The following RIMS2 variants were observed in gnomAD, a reference collection of about 807,000 sequenced individuals.
The protein encoded by RIMS2 is regulating synaptic membrane exocytosis 2.
RIMS2 carries 59 observed loss-of-function variants against 174.4 expected under a neutral mutation model. That is an observed-to-expected ratio of 0.34 (90% CI 0.27 to 0.42). The LOEUF (loss-of-function observed/expected upper bound fraction) is 0.42, where lower values mean the gene tolerates loss of function less well. Among genes scored for constraint, RIMS2 ranks in the 10% least tolerant of loss-of-function variants. The pLI is 1.00. For synonymous variants in RIMS2, 606 were observed against 572.5 expected, an observed-to-expected ratio of 1.06 and a Z score of -0.84; for missense variants, 1,620 against 1,666.3, an observed-to-expected ratio of 0.97 and a Z score of 0.48.
chr8:103,838,087 T>C lies in RIMS2; in HGVS notation c.699-47211T>C, dbSNP rs374162405. On this transcript the variant is annotated intron_variant, in intron 3 of 23. Coordinates refer to ENST00000504942, the Ensembl canonical transcript of RIMS2. ...TCAGGCCCCCCAGTAGCTGGGACTA[T>C]AGGTACAAGCCATCATGCCTGGCTA... Among the ~76,000 whole-genome samples, 59 of 152,010 alleles carry C rather than the reference T, an allele frequency of 3.9e-4. No individual in the cohort carries two copies. The South Asian group carries it at 0.012, about 32-fold the overall frequency.
chr8:104,235,764 G>C (rs1446885808), intron 19 of RIMS2, among the ~76,000 whole-genome samples: 1 of 151,922 alleles, frequency 6.6e-6, no homozygotes, highest in African/African-American at 2.4e-5. Flanking sequence ...AAATCATTAA[G>C]TACTTTTAGC....
chr8:104,009,693 A>T (rs1373960590), intron 17 of RIMS2, among the ~76,000 whole-genome samples: 2 of 152,130 alleles, frequency 1.3e-5, no homozygotes, highest in Non-Finnish European at 2.9e-5. Context: ...GATATATCCA[A>T]TTTTTTTAAA....
chr8:103,558,383 C>T (rs2090921251), intron 1 of RIMS2, among the ~76,000 whole-genome samples: 1 of 152,122 alleles, frequency 6.6e-6, no homozygotes, highest in Non-Finnish European at 1.5e-5. Flanking sequence ...ACCACCACGC[C>T]TGGCTAATGT....
chr8:103,652,219 A>G (rs1431941423), intron 1 of RIMS2: 1 of 1,349,366 alleles, frequency 7.4e-7, no homozygotes. Context: ...AAAGAAGAAC[A>G]CAAACCACAA....
At chr8:103,538,451 C>A (rs1207311678) in intron 1 of RIMS2, among the ~76,000 whole-genome samples, 1 of 152,102 alleles carries the variant, frequency 6.6e-6, no homozygotes, top group Admixed American at 6.6e-5. Flanking sequence ...ATACACTGCA[C>A]CATACTTGTT....
chr8:104,010,168 A>G (rs55835805), intron 17 of RIMS2, among the ~76,000 whole-genome samples: 19,485 of 152,144 alleles, frequency 0.13, 1,708 homozygotes, highest in Non-Finnish European at 0.19. Context: ...TAAGAAACCT[A>G]AAGTACATCG....
chr8:103,656,715 C>G (rs1244261236), intron 1 of RIMS2, among the ~76,000 whole-genome samples: 3 of 152,198 alleles, frequency 2.0e-5, no homozygotes, highest in African/African-American at 7.2e-5. Context: ...CAGGGCAAAT[C>G]AAGCCATGAG....
intron 3 of RIMS2, among the ~76,000 whole-genome samples, chr8:103,829,099 T>TC (rs2098809554): frequency 6.6e-6 from 1 of 151,692 alleles, no homozygotes; most frequent in Admixed American, 6.6e-5. Context: ...TTTTTTTTTT[T>TC]TTTTGCTAAT....
At chr8:103,709,250 T>C (rs570350807) in intron 2 of RIMS2, among the ~76,000 whole-genome samples, 10 of 152,224 alleles carry the variant, frequency 6.6e-5, no homozygotes, top group South Asian at 2.1e-4. Flanking sequence ...AATACAGTTA[T>C]AATTATTGTT....
At chr8:103,926,782 C>T (rs184319096) in intron 10 of RIMS2, among the ~76,000 whole-genome samples, 40 of 151,528 alleles carry the variant, frequency 2.6e-4, no homozygotes, top group Non-Finnish European at 1.6e-4. Flanking sequence ...TGATTATGTT[C>T]TGATTAACTG....
chr8:104,018,656 T>C (rs1012483794), intron 19 of RIMS2, among the ~76,000 whole-genome samples: 1 of 152,202 alleles, frequency 6.6e-6, no homozygotes, highest in Non-Finnish European at 1.5e-5. Context: ...TCATGTGTTA[T>C]GGTGAGTACA....
chr8:103,555,800 C>A (rs374463230), intron 1 of RIMS2, among the ~76,000 whole-genome samples: 153 of 135,436 alleles, frequency 1.1e-3, no homozygotes, highest in African/African-American at 1.4e-3. Context: ...CTCTCTCTCT[C>A]AAAAAAAAAA....
intron 3 of RIMS2, among the ~76,000 whole-genome samples, chr8:103,844,837 T>A (rs923457106): frequency 1.3e-5 from 2 of 152,074 alleles, no homozygotes; most frequent in East Asian, 3.9e-4. Flanking sequence ...CTATTACCTT[T>A]TTCTTCTACC....
chr8:103,954,590 C>T (rs891446722), intron 14 of RIMS2, among the ~76,000 whole-genome samples: 1 of 152,124 alleles, frequency 6.6e-6, no homozygotes, highest in Non-Finnish European at 1.5e-5. Flanking sequence ...ATTTCTGAGA[C>T]ACATTTAAAG....
At chr8:103,872,849 A>G (rs2099118971) in intron 3 of RIMS2, among the ~76,000 whole-genome samples, 1 of 152,210 alleles carries the variant, frequency 6.6e-6, no homozygotes, top group Non-Finnish European at 1.5e-5. Flanking sequence ...CAGACCAGGC[A>G]CACTGCTGCC....
At chr8:103,735,913 C>A (rs931317123) in intron 2 of RIMS2, among the ~76,000 whole-genome samples, 1 of 151,852 alleles carries the variant, frequency 6.6e-6, no homozygotes, top group African/African-American at 2.4e-5. Context: ...GTTTTAAATA[C>A]CCTGGCTTTG....
intron 1 of RIMS2, among the ~76,000 whole-genome samples, chr8:103,648,811 T>C (rs2096394296): frequency 6.6e-6 from 1 of 152,204 alleles, no homozygotes; most frequent in Non-Finnish European, 1.5e-5. Flanking sequence ...CCTCCATCCT[T>C]TTATTTTGGG....
chr8:104,190,945 T>G (rs2098994454), intron 19 of RIMS2, among the ~76,000 whole-genome samples: 2 of 152,016 alleles, frequency 1.3e-5, no homozygotes, highest in East Asian at 1.9e-4. Flanking sequence ...GTTTTTTTTT[T>G]TTGTTTGCTT....
rs145274326 is a variant in RIMS2, at chr8:104,111,640, G to A, written c.3334+97025G>A. Among the ~76,000 whole-genome samples, 279 of 151,990 alleles carry A rather than the reference G, an allele frequency of 1.8e-3. 4 individuals are homozygous for A. The highest frequency in any genetic ancestry group is 0.01 in the Middle Eastern group (3 of 294). On this transcript the variant is annotated intron_variant, in intron 19 of 23. Coordinates refer to ENST00000504942, the Ensembl canonical transcript of RIMS2. ...CCAGGATGGTCTCCATCTCTTGACC[G>A]CGTGATCCACCTGCCTCAGCCTACC...
Sources: allele counts gnomAD v4.1 joint callset (sites outside exome capture counted in the v4.1 genomes callset), GRCh38; gene constraint gnomAD v4.1.1; transcripts MANE v1.5; gene names NCBI Gene and HGNC (gene_info 2026-07-23, HGNC 2026-07-21).